RBP7: variants seen among roughly 807,000 people sequenced by gnomAD.
RBP7 encodes the protein retinoid-binding protein 7.
RBP7 carries 13 observed loss-of-function variants against 16.7 expected under a neutral mutation model. The ratio of observed to expected loss-of-function variants is 0.78; its 90% CI spans 0.51 to 1.24. The LOEUF is 1.24. RBP7 is among the 50% of genes most tolerant of loss of function. RBP7 has a pLI of 0.00. For missense variants in RBP7, 145 were observed against 159.5 expected (o/e 0.91, Z 0.49); for synonymous variants, 54 against 56.2 (o/e 0.96, Z 0.17).
chr1:10,015,774 C>G lies in RBP7; in HGVS notation c.355-8C>G, dbSNP rs115567684. ...ATCCTTCTTTTTCCCTTCCTCCTTA[C>G]GCCCTAGGAAATGTTCTGTGAAGGT... On this transcript the variant is annotated splice_region_variant and splice_polypyrimidine_tract_variant and intron_variant, in intron 3 of 3. Transcript: ENST00000294435. The G allele has an allele frequency of 1.2e-6, 2 of 1,613,300 alleles. No individual in the cohort carries two copies. Among genetic ancestry groups the G allele is most frequent in the South Asian group, 1.1e-5 (1 of 91,074 alleles).
chr1:9,998,345 A>G (rs1320175039), intron 1 of RBP7, among the ~76,000 whole-genome samples: 1 of 151,258 alleles, frequency 6.6e-6, no homozygotes, highest in East Asian at 2.0e-4. Context: ...CGTGCCGGCC[A>G]ATCCCTGAAC....
chr1:10,013,262 AG>A (rs1642678235), intron 3 of RBP7, among the ~76,000 whole-genome samples: 1 of 151,836 alleles, frequency 6.6e-6, no homozygotes, highest in African/African-American at 2.4e-5. Context: ...TAGTACAGAC[AG>A]GGTTTCACCA....
rs950077086 is a variant in RBP7, at chr1:10,007,865, G to A, written c.252+117G>A. The A allele has an allele frequency of 1.4e-4, 127 of 897,406 alleles. No homozygotes were observed. The East Asian group carries it at 1.6e-3, about 11-fold the overall frequency. 55.6% of individuals were successfully genotyped at this position (897,406 alleles called of 1,614,324 possible). ...AGTTTGAGACCAGCCTGGGCAACAC[G>A]GCAAAACCCTGTCTCTACAGAAAAA... On this transcript the variant is annotated intron_variant, in intron 2 of 3. Coordinates refer to ENST00000294435, the MANE Select transcript of RBP7 (RefSeq NM_052960.3).
At chr1:9,999,172 G>A (rs913639890) in intron 1 of RBP7, among the ~76,000 whole-genome samples, 1 of 152,052 alleles carries the variant, frequency 6.6e-6, no homozygotes. Flanking sequence ...CATGTAAGAC[G>A]TGCCTTTTGC....
chr1:10,015,978 A>G lies in RBP7; in HGVS notation c.*146A>G. On this transcript the variant is annotated 3_prime_UTR_variant, in exon 4 of 4. Coordinates refer to ENST00000294435, the MANE Select transcript of RBP7 (RefSeq NM_052960.3). ...CAGCGTGTAACCTGAAGTCATCTAG[A>G]TTATGGGGAAACTGCTCAGCTTCAA... 1.5e-6 allele frequency: 1 copy of G among 662,280 alleles called. No individual in the cohort carries two copies. The highest frequency in any genetic ancestry group is 2.7e-6 in the Non-Finnish European group (1 of 377,188). The allele number at this position is 662,280 out of a possible 1,614,324, so 41.0% of individuals were successfully genotyped here.
At chr1:10,005,316 A>C (rs1642409974) in intron 1 of RBP7, among the ~76,000 whole-genome samples, 1 of 151,980 alleles carries the variant, frequency 6.6e-6, no homozygotes, top group African/African-American at 2.4e-5. Context: ...GGTTCAACTG[A>C]TTCTCCTGCC....
intron 1 of RBP7, among the ~76,000 whole-genome samples, chr1:10,006,305 G>A (rs927428907): frequency 6.6e-6 from 1 of 151,990 alleles, no homozygotes; most frequent in East Asian, 1.9e-4. Flanking sequence ...CCAAGAGTTC[G>A]AGACCAACCT....
intron 3 of RBP7, among the ~76,000 whole-genome samples, chr1:10,011,283 G>A (rs1397571874): frequency 6.6e-6 from 1 of 150,394 alleles, no homozygotes; most frequent in Non-Finnish European, 1.5e-5. Flanking sequence ...CCTGCTTTGG[G>A]AAAAAAAAAG....
intron 1 of RBP7, among the ~76,000 whole-genome samples, chr1:10,005,724 C>T (rs1427113108): frequency 1.3e-5 from 2 of 151,746 alleles, no homozygotes; most frequent in Non-Finnish European, 2.9e-5. Flanking sequence ...CCACCATGCC[C>T]AGCTAATTTT....
chr1:10,003,175 C>A (rs1195498539), intron 1 of RBP7, among the ~76,000 whole-genome samples: 1 of 152,124 alleles, frequency 6.6e-6, no homozygotes, highest in Non-Finnish European at 1.5e-5. Context: ...GCCTGTAATC[C>A]CAGCACTTTG....
rs1206987972 is a variant in RBP7 at position 10,015,276 on chromosome 1, C to A, written c.355-506C>A. ...CCAACATGGTGAAACCCCGTCGCTA[C>A]TAAAAATACAAAAATTAGCAGAGCA... On this transcript the variant is annotated intron_variant, in intron 3 of 3. Coordinates refer to ENST00000294435, the MANE Select transcript of RBP7 (RefSeq NM_052960.3). Among the ~76,000 whole-genome samples, 4 of 151,924 alleles carry A rather than the reference C, an allele frequency of 2.6e-5. No individual in the cohort carries two copies. The East Asian group carries it at 7.7e-4, about 29-fold the overall frequency.
At chr1:9,998,702 C>T (rs939239330) in intron 1 of RBP7, among the ~76,000 whole-genome samples, 18 of 152,022 alleles carry the variant, frequency 1.2e-4, no homozygotes, top group Middle Eastern at 3.2e-3. Context: ...GGCACCGCAC[C>T]GGCCAATTTT....
At chr1:10,012,637 A>G (rs994248475) in intron 3 of RBP7, among the ~76,000 whole-genome samples, 10 of 151,344 alleles carry the variant, frequency 6.6e-5, no homozygotes, top group African/African-American at 2.2e-4. Context: ...AAAAAAAAAA[A>G]AAAAGAAAAG....
intron 1 of RBP7, among the ~76,000 whole-genome samples, chr1:10,005,489 A>T (rs1388649576): frequency 6.6e-6 from 1 of 151,968 alleles, no homozygotes. Context: ...GGTATGAGCC[A>T]CTGTGCCTGG....
intron 1 of RBP7, 80 bp from the exon 2 acceptor site, chr1:10,007,490 T>C: frequency 1.0e-6 from 1 of 996,978 alleles, no homozygotes. Context: ...TTACATGTGG[T>C]GATTTTGAGA....
At chr1:10,007,543 C>A in intron 1 of RBP7, 27 bp from the exon 2 acceptor site, 1 of 1,491,546 alleles carries the variant, frequency 6.7e-7, no homozygotes, top group South Asian at 1.3e-5. Context: ...AGCGAATGTT[C>A]AAATATTTTT....
chr1:9,999,331 G>C (rs190989723), intron 1 of RBP7, among the ~76,000 whole-genome samples: 16 of 152,198 alleles, frequency 1.1e-4, no homozygotes, highest in Admixed American at 9.2e-4. Flanking sequence ...TGGATCAACT[G>C]AGGTCAGGAG....
At chr1:10,015,644 C>T in intron 3 of RBP7, 138 bp from the exon 4 acceptor site, 1 of 681,588 alleles carries the variant, frequency 1.5e-6, no homozygotes, top group Non-Finnish European at 2.5e-6. Context: ...GCCAGGACGA[C>T]AGAGTGAGAC....
Position 10,007,573 on chromosome 1 carries a change from T to A in RBP7, c.77T>A (p.Ile26Asn). ...ATTTTTAAAAATTATTTTTAAGGTA[T>A]TGACTTTGCCACTCGTAAAATAGCC... ...NFEGYMLALG[I>N]DFATRKIAKL... The change falls in exon 2 of 4, where the codon ATT becomes AAT. Residue 26 changes from isoleucine to asparagine, a missense_variant. By Grantham distance (149) the Ile-to-Asn change is moderately radical (BLOSUM62 -3). Coordinates refer to ENST00000294435, the MANE Select transcript of RBP7 (RefSeq NM_052960.3). The A allele has an allele frequency of 1.9e-6, 3 of 1,597,120 alleles. No homozygotes were observed. Among genetic ancestry groups the A allele is most frequent in the Non-Finnish European group, 2.6e-6 (3 of 1,172,942 alleles).
Sources: allele counts gnomAD v4.1 joint callset (sites outside exome capture counted in the v4.1 genomes callset), GRCh38; gene constraint gnomAD v4.1.1; transcripts MANE v1.5; gene names NCBI Gene and HGNC (gene_info 2026-07-23, HGNC 2026-07-21).